SRBD1: variants seen among roughly 807,000 people sequenced by gnomAD.
SRBD1 encodes S1 RNA binding domain 1.
SRBD1 carries 88 observed loss-of-function variants against 115.3 expected under a neutral mutation model. The observed-to-expected ratio is 0.76, with a 90% CI of 0.64 to 0.91. The LOEUF (loss-of-function observed/expected upper bound fraction) is 0.91. Among genes scored for constraint, SRBD1 ranks in the 40% least tolerant of loss-of-function variants. SRBD1 has a pLI of 0.00. For synonymous variants in SRBD1, 509 were observed against 407.7 expected, an observed-to-expected ratio of 1.25 and a Z score of -2.99; for missense variants, 1,385 against 1,177.4, an observed-to-expected ratio of 1.18 and a Z score of -2.58.
chr2:45,465,046 C>CACACACACACACACACAT (rs58921931), intron 16 of SRBD1, among the ~76,000 whole-genome samples: 1 of 141,516 alleles, frequency 7.1e-6, no homozygotes, highest in African/African-American at 2.6e-5. Flanking sequence ...CACACACACA[C>CACACACACACACACACAT]ACAGAGTCAT....
At chr2:45,576,976 TG>T (rs1485383931) in intron 7 of SRBD1, among the ~76,000 whole-genome samples, 1 of 152,176 alleles carries the variant, frequency 6.6e-6, no homozygotes, top group Non-Finnish European at 1.5e-5. Context: ...TGTTGTAAAG[TG>T]TAGTCCAAGG....
intron 15 of SRBD1, among the ~76,000 whole-genome samples, chr2:45,487,781 G>A (rs1670165234): frequency 6.6e-6 from 1 of 152,028 alleles, no homozygotes; most frequent in South Asian, 2.1e-4. Flanking sequence ...AGCCTCCCGA[G>A]TAGCTGGGAT....
intron 16 of SRBD1, chr2:45,447,665 T>C (rs541924170): frequency 1.3e-5 from 2 of 152,290 alleles, no homozygotes; most frequent in South Asian, 4.1e-4. Context: ...ATTTGAAGAA[T>C]AGCCATTAGG....
chr2:45,587,435 T>C (rs1673583161), intron 4 of SRBD1, among the ~76,000 whole-genome samples: 1 of 152,026 alleles, frequency 6.6e-6, no homozygotes, highest in Admixed American at 6.6e-5. Context: ...CCAATTTTAG[T>C]AGCTTCCCAA....
At chr2:45,515,611 C>A (rs1671095498) in intron 14 of SRBD1, among the ~76,000 whole-genome samples, 1 of 152,056 alleles carries the variant, frequency 6.6e-6, no homozygotes, top group South Asian at 2.1e-4. Context: ...CTTGACTTGG[C>A]ACTATATTAC....
chr2:45,601,254 C>G (rs191587497), intron 3 of SRBD1, among the ~76,000 whole-genome samples: 1 of 152,354 alleles, frequency 6.6e-6, no homozygotes, highest in Admixed American at 6.5e-5. Context: ...AGTCCATGCT[C>G]ATCAAGTAAA....
In SRBD1 at chr2:45,574,615, A is replaced by G; in HGVS notation, c.1169+12T>C. 1 of 1,599,906 alleles carries G rather than the reference A, an allele frequency of 6.3e-7. No individual in the cohort carries two copies. The highest frequency in any genetic ancestry group is 8.6e-7 in the Non-Finnish European group (1 of 1,168,156). On this transcript the variant is annotated intron_variant, in intron 8 of 20. Transcript: ENST00000263736. The stretch of plus-strand genomic sequence containing the variant: ...TCCATAAAGCAGAAAACTCCATAAA[A>G]GAGATACTCACAAGTTCCGAATGAA...
At chr2:45,422,980 T>C (rs1426212694) in intron 16 of SRBD1, among the ~76,000 whole-genome samples, 5 of 152,066 alleles carry the variant, frequency 3.3e-5, no homozygotes, top group Non-Finnish European at 5.9e-5. Context: ...AGTGACAAAA[T>C]TGAGAGAAAA....
At chr2:45,510,735 A>C (rs1188901220) in intron 14 of SRBD1, among the ~76,000 whole-genome samples, 1 of 152,246 alleles carries the variant, frequency 6.6e-6, no homozygotes, top group Non-Finnish European at 1.5e-5. Context: ...ATTCTAGCTC[A>C]ATCCAAAGAG....
rs199702105 is a variant in SRBD1, at chr2:45,477,090, T to A, written c.1967-15A>T. The A allele has an allele frequency of 4.0e-3, 6,392 of 1,608,850 alleles. 25 individuals carry two copies. Among genetic ancestry groups the A allele is most frequent in the Non-Finnish European group, 4.8e-3 (5,660 of 1,176,242 alleles). On this transcript the variant is annotated splice_polypyrimidine_tract_variant and intron_variant, in intron 15 of 20. Coordinates refer to ENST00000263736, the MANE Select transcript of SRBD1 (RefSeq NM_018079.5). ...TGCTATGGAAACTGAAAAAACAGAA[T>A]CAGAAAACAAGTATGACTTAATGTG...
At chr2:45,464,095 C>T (rs1035513469) in intron 16 of SRBD1, among the ~76,000 whole-genome samples, 4 of 151,802 alleles carry the variant, frequency 2.6e-5, no homozygotes, top group South Asian at 4.2e-4. Context: ...TTATTTCCAC[C>T]GAGAACAGAA....
intron 15 of SRBD1, among the ~76,000 whole-genome samples, chr2:45,480,493 C>T (rs1000641397): frequency 3.3e-5 from 5 of 152,064 alleles, no homozygotes; most frequent in South Asian, 2.1e-4. Flanking sequence ...CTTCAGATGT[C>T]GTGGAAATAG....
At chr2:45,533,290 G>A (rs1385423729) in intron 14 of SRBD1, among the ~76,000 whole-genome samples, 3 of 151,976 alleles carry the variant, frequency 2.0e-5, no homozygotes, top group Non-Finnish European at 4.4e-5. Context: ...TACATTACCT[G>A]TTGTTCACCA....
chr2:45,602,051 T>C lies in SRBD1; in HGVS notation c.113A>G (p.Asp38Gly). The C allele has an allele frequency of 3.1e-6, 5 of 1,614,124 alleles. No homozygotes were observed. The highest frequency in any genetic ancestry group is 4.2e-6 in the Non-Finnish European group (5 of 1,179,986). ...SSASEEDDKE[D>G]SAWEPQKKVP... ...TTTCTTTTGGGGCTCCCAGGCACTA[T>C]CTTCCTTGTCATCTTCTTCAGAGGC... Residue 38 changes from aspartate (D) to glycine (G), a missense_variant, in exon 3 of 21, where the codon GAT (aspartate) becomes GGT (glycine). Asp to Gly is a moderately conservative substitution (Grantham distance 94). Coordinates refer to ENST00000263736, the MANE Select transcript of SRBD1 (RefSeq NM_018079.5).
intron 14 of SRBD1, among the ~76,000 whole-genome samples, chr2:45,535,367 C>T (rs940826821): frequency 1.6e-4 from 24 of 152,086 alleles, no homozygotes; most frequent in Middle Eastern, 3.4e-3. Context: ...TTGTAAGAAA[C>T]GCATGGTGAT....
chr2:45,536,849 C>G (rs573813373), intron 14 of SRBD1, among the ~76,000 whole-genome samples: 1 of 152,264 alleles, frequency 6.6e-6, no homozygotes, highest in African/African-American at 2.4e-5. Flanking sequence ...GGCCAATCTT[C>G]TCTCTTAACT....
At chr2:45,460,827 A>G (rs1420274481) in intron 16 of SRBD1, among the ~76,000 whole-genome samples, 1 of 152,220 alleles carries the variant, frequency 6.6e-6, no homozygotes, top group Non-Finnish European at 1.5e-5. Flanking sequence ...GGCCCAACCA[A>G]TGCCATTAAA....
chr2:45,454,829 A>G (rs1390588886), intron 16 of SRBD1, among the ~76,000 whole-genome samples: 1 of 151,910 alleles, frequency 6.6e-6, no homozygotes, highest in Non-Finnish European at 1.5e-5. Context: ...AAGCACATTC[A>G]TATTTCTATC....
intron 10 of SRBD1, among the ~76,000 whole-genome samples, chr2:45,562,317 T>G (rs1472097752): frequency 1.3e-5 from 2 of 152,158 alleles, no homozygotes; most frequent in Non-Finnish European, 2.9e-5. Context: ...AACCTCAGCC[T>G]CTTGGGTTCA....
Sources: gnomAD v4.1 joint callset for allele counts (sites outside exome capture counted in the v4.1 genomes callset) on GRCh38, gnomAD v4.1.1 for gene constraint, MANE v1.5 for transcripts, NCBI Gene and HGNC (gene_info 2026-07-23, HGNC 2026-07-21) for gene names.